The following SMCHD1 variants were observed in gnomAD, a reference collection of about 807,000 sequenced individuals.
The protein encoded by SMCHD1 is structural maintenance of chromosomes flexible hinge domain containing 1.
SMCHD1 carries 78 observed loss-of-function variants against 254.7 expected under a neutral mutation model. The ratio of observed to expected loss-of-function variants is 0.31; its 90% CI spans 0.26 to 0.37. The LOEUF (loss-of-function observed/expected upper bound fraction) is 0.37, where lower values mean the gene tolerates loss of function less well. Among genes scored for constraint, SMCHD1 ranks in the 10% least tolerant of loss-of-function variants. SMCHD1 has a pLI of 1.00. For synonymous variants in SMCHD1, 766 were observed against 794.9 expected (o/e 0.96, Z 0.61); for missense variants, 1,840 against 2,408.1 (o/e 0.76, Z 4.94).
chr18:2,672,562 G>A (rs914902741), intron 3 of SMCHD1, among the ~76,000 whole-genome samples: 1 of 152,160 alleles, frequency 6.6e-6, no homozygotes, highest in African/African-American at 2.4e-5. Flanking sequence ...GCTTTTGTGG[G>A]GTTAAGCTTC....
intron 1 of SMCHD1, among the ~76,000 whole-genome samples, chr18:2,659,331 T>A (rs1317269187): frequency 6.6e-6 from 1 of 152,184 alleles, no homozygotes; most frequent in Non-Finnish European, 1.5e-5. Flanking sequence ...TTGGCCAGGC[T>A]GATCTTGAAC....
intron 45 of SMCHD1, among the ~76,000 whole-genome samples, chr18:2,790,987 A>C (rs986627763): frequency 6.6e-6 from 1 of 152,234 alleles, no homozygotes; most frequent in African/African-American, 2.4e-5. Context: ...AGATTGTGTA[A>C]CAGTATACCT....
chr18:2,798,031 A>C (rs1425876349), intron 47 of SMCHD1, among the ~76,000 whole-genome samples: 1 of 152,228 alleles, frequency 6.6e-6, no homozygotes, highest in Non-Finnish European at 1.5e-5. Flanking sequence ...GAAGGATGGG[A>C]AGGAACCAGC....
chr18:2,750,208 T>C, intron 31 of SMCHD1, 86 bp downstream of exon 31: 1 of 1,421,928 alleles, frequency 7.0e-7, no homozygotes, highest in South Asian at 1.3e-5. Context: ...ATGACTATCC[T>C]TCTGTTTAAT....
rs1172659771 is a variant in SMCHD1, at chr18:2,655,880, C to T, written c.-196C>T. On this transcript the variant is annotated 5_prime_UTR_variant, in exon 1 of 48. Transcript: ENST00000320876. ...AAGTGACGTGGTGCACGGGCAGGAG[C>T]GCGTTTGAATCGGTTCCCGGGTGAT... 5.3e-6 allele frequency: 2 copies of T among 374,502 alleles called. No individual in the cohort carries two copies. Among genetic ancestry groups the T allele is most frequent in the African/African-American group, 4.2e-5 (2 of 47,520 alleles). The allele number at this position is 374,502 out of a possible 1,614,324, so 23.2% of individuals were successfully genotyped here.
intron 12 of SMCHD1, among the ~76,000 whole-genome samples, chr18:2,701,646 AT>A (rs1416189783): frequency 6.6e-6 from 1 of 152,188 alleles, no homozygotes; most frequent in Non-Finnish European, 1.5e-5. Flanking sequence ...CTAAAAGGTG[AT>A]TTGAGATTGA....
intron 34 of SMCHD1, chr18:2,752,842 G>A (rs2075601111): frequency 4.0e-6 from 1 of 248,898 alleles, no homozygotes; most frequent in Non-Finnish European, 7.6e-6. Context: ...TTATATAGGA[G>A]GTTTCTATAA....
Position 2,714,661 on chromosome 18 carries a change from CAT to C in SMCHD1, c.2261-3496_2261-3495del, listed in dbSNP as rs202211638. 3.2e-3 allele frequency among the ~76,000 whole-genome samples: 491 copies of C among 152,068 alleles called. 2 individuals are homozygous for C. The highest frequency in any genetic ancestry group is 0.011 in the African/African-American group (461 of 41,466). On this transcript the variant is annotated intron_variant, in intron 17 of 47. Coordinates refer to ENST00000320876, the MANE Select transcript of SMCHD1 (RefSeq NM_015295.3). Reference sequence around the variant, plus strand: ...ATAATACCTGTGAATTTTATACTCTCATGTGTTTTTATGATGGCTAGTATTGA... The same window carrying C: ...ATAATACCTGTGAATTTTATACTCTCGTGTTTTTATGATGGCTAGTATTGA...
chr18:2,701,167 T>G (rs141202326), intron 12 of SMCHD1: 23 of 267,262 alleles, frequency 8.6e-5, no homozygotes, highest in East Asian at 6.0e-4. Flanking sequence ...TTTTTTTGTT[T>G]TTTTTTTTTT....
chr18:2,706,021 A>T (rs1394285543), intron 14 of SMCHD1, among the ~76,000 whole-genome samples: 1 of 152,174 alleles, frequency 6.6e-6, no homozygotes, highest in African/African-American at 2.4e-5. Context: ...TATACATTAT[A>T]ACTAGTTACC....
intron 3 of SMCHD1, among the ~76,000 whole-genome samples, chr18:2,671,600 T>C (rs555957398): frequency 1.1e-4 from 16 of 146,084 alleles, no homozygotes; most frequent in Middle Eastern, 3.5e-3. Context: ...CTTTTCTTTT[T>C]TTTTTTTTTT....
At chr18:2,799,353 T>C (rs989855779) in intron 47 of SMCHD1, among the ~76,000 whole-genome samples, 1 of 152,174 alleles carries the variant, frequency 6.6e-6, no homozygotes, top group African/African-American at 2.4e-5. Flanking sequence ...GCCACACACA[T>C]GGCTGGTGGC....
At chr18:2,701,073 A>G in intron 12 of SMCHD1, 155 bp downstream of exon 12, 2 of 509,026 alleles carry the variant, frequency 3.9e-6, no homozygotes, top group Non-Finnish European at 6.6e-6. Context: ...ACATTACTAA[A>G]AAATTTAAAG....
chr18:2,713,939 A>C (rs918532174), intron 17 of SMCHD1, among the ~76,000 whole-genome samples: 1 of 152,224 alleles, frequency 6.6e-6, no homozygotes, highest in Non-Finnish European at 1.5e-5. Flanking sequence ...AGAAGAATGT[A>C]TATTCCGCAG....
At chr18:2,690,494 CAG>C (rs1430926124) in intron 7 of SMCHD1, among the ~76,000 whole-genome samples, 2 of 151,852 alleles carry the variant, frequency 1.3e-5, no homozygotes, top group Admixed American at 1.3e-4. Context: ...TTTTTTGAGA[CAG>C]AGTCTCACTC....
rs1302131258 is a variant in SMCHD1 at position 2,803,435 on chromosome 18, T to TACA, written c.*884_*885insCAA. The TACA allele has an allele frequency of 8.5e-5, 13 of 152,130 alleles. No individual in the cohort carries two copies. The highest frequency in any genetic ancestry group is 3.1e-4 in the African/African-American group (13 of 41,562). 9.4% of individuals were successfully genotyped at this position (152,130 alleles called of 1,614,324 possible). A position where few individuals can be genotyped will look rare whatever the true frequency, so the allele number is the denominator to read the frequency against. ...CTGCAAAAACATTTGAAATGTATAT[T>TACA]AACCTAATGTATGTCATATATATGT... On this transcript the variant is annotated 3_prime_UTR_variant, in exon 48 of 48. Transcript: ENST00000320876.
chr18:2,776,472 C>A (rs1437720769), intron 42 of SMCHD1, among the ~76,000 whole-genome samples: 1 of 151,928 alleles, frequency 6.6e-6, no homozygotes, highest in African/African-American at 2.4e-5. Context: ...GCCTCCCATA[C>A]TGCTAGGATT....
chr18:2,777,729 A>T, intron 42 of SMCHD1, 77 bp from the exon 43 acceptor site: 1 of 734,484 alleles, frequency 1.4e-6, no homozygotes, highest in South Asian at 2.1e-5. Context: ...CAATATATTC[A>T]TGTTTTCCAT....
At chr18:2,802,226 G>T (rs745593122) in intron 47 of SMCHD1, among the ~76,000 whole-genome samples, 11 of 152,050 alleles carry the variant, frequency 7.2e-5, no homozygotes, top group Non-Finnish European at 1.5e-4. Flanking sequence ...GGAAAAGGGG[G>T]TGAAAGGAAA....
Sources: allele counts gnomAD v4.1 joint callset (sites outside exome capture counted in the v4.1 genomes callset), GRCh38; gene constraint gnomAD v4.1.1; transcripts MANE v1.5; gene names NCBI Gene and HGNC (gene_info 2026-07-23, HGNC 2026-07-21).